Variants in MGAT5 observed in about 807,000 individuals in gnomAD.
The protein encoded by MGAT5 is alpha-1,6-mannosylglycoprotein 6-beta-N-acetylglucosaminyltransferase, also known as alpha-1,6-mannosylglycoprotein 6-beta-N-acetylglucosaminyltransferase A.
Under a neutral mutation model 94.3 loss-of-function variants are expected in MGAT5, and 30 were observed. The ratio of observed to expected loss-of-function variants is 0.32; its 90% CI spans 0.24 to 0.43. MGAT5 has a LOEUF of 0.43. MGAT5 is among the 20% of genes least tolerant of loss of function. The probability of loss-of-function intolerance (pLI) is 1.00; values close to 1 mark genes in which losing one functional copy is unlikely to be tolerated. For synonymous variants in MGAT5, 310 were observed against 322.9 expected (o/e 0.96, Z 0.43); for missense variants, 691 against 905.5 (o/e 0.76, Z 3.04).
chr2:134,260,216 G>T lies in MGAT5; in HGVS notation c.241+5572G>T, dbSNP rs12612248. Among the ~76,000 whole-genome samples the T allele has an allele frequency of 2.0e-5, 3 of 152,314 alleles. No homozygotes were observed. In the East Asian group the frequency reaches 5.8e-4, roughly 29 times the overall value. ...TATGACTTCTGGTATCAATATGGATGTTCTTATGCAGAAACCAGATGTTGA... is the reference window on the plus strand; with the variant it reads ...TATGACTTCTGGTATCAATATGGATTTTCTTATGCAGAAACCAGATGTTGA... On this transcript the variant is annotated intron_variant, in intron 1 of 15. Transcript: ENST00000281923.
At chr2:134,363,012 T>G (rs1024907109) in intron 10 of MGAT5, among the ~76,000 whole-genome samples, 1 of 152,256 alleles carries the variant, frequency 6.6e-6, no homozygotes, top group African/African-American at 2.4e-5. Context: ...GTTGATTTCC[T>G]GAGTACATTT....
In MGAT5 at chr2:134,366,647, C is replaced by T. The variant is rs577520696; in HGVS notation, c.1380+4239C>T. Among the ~76,000 whole-genome samples the T allele has an allele frequency of 2.6e-5, 4 of 152,300 alleles. No homozygotes were observed. In the South Asian group the frequency reaches 8.3e-4, roughly 32 times the overall value. ...TGATGGCTTCTCAGCCTTACTAATG[C>T]ACACATCACCTGAGGATCTTGTTAA... On this transcript the variant is annotated intron_variant, in intron 10 of 15. Transcript: ENST00000281923.
Position 134,175,012 on chromosome 2 carries a change from G to A in MGAT5, c.-143+54721G>A, listed in dbSNP as rs544395336. ...TGCCCATTGACAGAGTGGCGAGGTG[G>A]GTGAAACCTTGCTTTCCTCCTGGCC... is the stretch of plus-strand genomic sequence containing the variant. On this transcript the variant is annotated intron_variant, in intron 1 of 16. Coordinates refer to the MGAT5 transcript ENST00000409645. 2.0e-5 allele frequency among the ~76,000 whole-genome samples: 3 copies of A among 152,300 alleles called. No homozygotes were observed. In the East Asian group the frequency reaches 5.8e-4, roughly 29 times the overall value.
intron 1 of MGAT5, among the ~76,000 whole-genome samples, chr2:134,170,855 C>CTTTTTTTT (rs112717170): frequency 6.9e-6 from 1 of 145,844 alleles, no homozygotes; most frequent in Non-Finnish European, 1.5e-5. Flanking sequence ...GATCTCTACT[C>CTTTTTTTT]TTTTTTTTTT....
At chr2:134,381,409 G>GATAGATAGAT (rs1553457756) in intron 10 of MGAT5, among the ~76,000 whole-genome samples, 11 of 137,892 alleles carry the variant, frequency 8.0e-5, no homozygotes, top group African/African-American at 3.0e-4. Flanking sequence ...TAGATAGATA[G>GATAGATAGAT]ATAGATAGAT....
chr2:134,244,975 A>C (rs1349431496), intron 1 of MGAT5, among the ~76,000 whole-genome samples: 1 of 152,166 alleles, frequency 6.6e-6, no homozygotes, highest in African/African-American at 2.4e-5. Context: ...TTCATTTTTC[A>C]GGGACCCGTG....
chr2:134,225,263 G>A (rs1200164492), intron 1 of MGAT5, among the ~76,000 whole-genome samples: 4 of 151,980 alleles, frequency 2.6e-5, no homozygotes, highest in Non-Finnish European at 4.4e-5. Flanking sequence ...TGTTCTCAAG[G>A]GTGGGCCAAA....
chr2:134,388,273 T>G (rs1465080769), intron 10 of MGAT5, among the ~76,000 whole-genome samples: 2 of 152,172 alleles, frequency 1.3e-5, no homozygotes, highest in Non-Finnish European at 2.9e-5. Context: ...TGAGCCCCCA[T>G]GTACCTCTCA....
At chr2:134,122,024 A>C (rs1022981811) in intron 1 of MGAT5, among the ~76,000 whole-genome samples, 3 of 151,862 alleles carry the variant, frequency 2.0e-5, no homozygotes, top group Admixed American at 6.6e-5. Flanking sequence ...CTTTCCTATA[A>C]ATTATTTTTG....
chr2:134,238,572 C>G (rs1681786209), intron 1 of MGAT5, among the ~76,000 whole-genome samples: 3 of 152,178 alleles, frequency 2.0e-5, no homozygotes. Context: ...TGTATTACAT[C>G]CTGTTTAGGA....
At chr2:134,335,636 T>C (rs1241086743) in intron 4 of MGAT5, among the ~76,000 whole-genome samples, 1 of 152,080 alleles carries the variant, frequency 6.6e-6, no homozygotes, top group Non-Finnish European at 1.5e-5. Flanking sequence ...TTCATTTCTT[T>C]CTCAGATAGG....
intron 10 of MGAT5, among the ~76,000 whole-genome samples, chr2:134,384,431 C>T (rs1430526327): frequency 1.3e-5 from 2 of 152,120 alleles, no homozygotes; most frequent in South Asian, 2.1e-4. Flanking sequence ...CTTTCTTCAC[C>T]GGCTTCATTG....
chr2:134,338,202 C>A, intron 5 of MGAT5, 57 bp from the exon 6 acceptor site: 1 of 1,431,814 alleles, frequency 7.0e-7, no homozygotes, highest in Non-Finnish European at 9.5e-7. Context: ...ATCATGAAAA[C>A]TATTATGCTT....
At chr2:134,333,322 A>C (rs1017760406) in intron 4 of MGAT5, among the ~76,000 whole-genome samples, 4 of 151,356 alleles carry the variant, frequency 2.6e-5, no homozygotes, top group African/African-American at 4.9e-5. Flanking sequence ...TTCTCAGTAA[A>C]CTATTGCAAG....
intron 10 of MGAT5, among the ~76,000 whole-genome samples, chr2:134,402,320 T>A (rs761300400): frequency 6.6e-6 from 1 of 152,204 alleles, no homozygotes; most frequent in Non-Finnish European, 1.5e-5. Flanking sequence ...ATAGTATAAG[T>A]AAAATTACTC....
At chr2:134,230,787 G>A (rs1681318080) in intron 1 of MGAT5, among the ~76,000 whole-genome samples, 1 of 151,402 alleles carries the variant, frequency 6.6e-6, no homozygotes, top group Non-Finnish European at 1.5e-5. Flanking sequence ...ATATGACCCA[G>A]TAATTCTACT....
chr2:134,141,808 AG>A (rs1376946805), intron 1 of MGAT5, among the ~76,000 whole-genome samples: 2 of 152,238 alleles, frequency 1.3e-5, no homozygotes, highest in African/African-American at 4.8e-5. Context: ...CAGAGCCTAG[AG>A]GACAGAGCAG....
chr2:134,184,915 T>C (rs1688929415), intron 1 of MGAT5, among the ~76,000 whole-genome samples: 1 of 152,162 alleles, frequency 6.6e-6, no homozygotes, highest in Non-Finnish European at 1.5e-5. Context: ...TCATTTATTT[T>C]ATTTCAATAG....
rs375885186 is a variant in MGAT5, at chr2:134,447,778, G to A, written c.2028-871G>A. On this transcript the variant is annotated intron_variant, in intron 15 of 15. Transcript: ENST00000281923. ...ATCAGAATATCCTTGGCCCCCCTAC[G>A]CAGTGGTCCCAGCCAAAGGAAGCAA... Among the ~76,000 whole-genome samples the A allele has an allele frequency of 7.1e-4, 108 of 152,332 alleles. No individual in the cohort carries two copies. The East Asian group carries it at 0.016, about 23-fold the overall frequency.
Sources: allele counts gnomAD v4.1 joint callset (sites outside exome capture counted in the v4.1 genomes callset), GRCh38; gene constraint gnomAD v4.1.1; transcripts MANE v1.5; gene names NCBI Gene and HGNC (gene_info 2026-07-23, HGNC 2026-07-21).